TMEM52: variants seen among roughly 807,000 people sequenced by gnomAD.
TMEM52 encodes the protein transmembrane protein 52.
TMEM52 carries 14 observed loss-of-function variants against 16.2 expected under a neutral mutation model. That is an observed-to-expected ratio of 0.87 (90% CI 0.57 to 1.35). TMEM52 has a LOEUF of 1.35. Among genes scored for constraint, TMEM52 ranks in the 40% most tolerant of loss-of-function variants. The pLI is 0.00. For synonymous variants in TMEM52, 136 were observed against 124.7 expected, an observed-to-expected ratio of 1.09 and a Z score of -0.60; for missense variants, 309 against 278.6, an observed-to-expected ratio of 1.11 and a Z score of -0.78.
chr1:1,918,208 C>T (rs1466308442), intron 4 of TMEM52, 45 bp downstream of exon 4: 2 of 1,607,924 alleles, frequency 1.2e-6, no homozygotes, highest in Non-Finnish European at 1.7e-6. Flanking sequence ...TTGGCATTTA[C>T]CCCCGCCATC....
At chr1:1,919,007 G>A (rs1402559391) in intron 2 of TMEM52, 38 bp downstream of exon 2, 3 of 1,340,600 alleles carry the variant, frequency 2.2e-6, no homozygotes, top group African/African-American at 3.1e-5. Flanking sequence ...CTCCCCATAG[G>A]GCGGGGCCAG....
At chr1:1,918,636 G>A (rs912145028) in intron 3 of TMEM52, 1 of 705,590 alleles carries the variant, frequency 1.4e-6, no homozygotes, top group Non-Finnish European at 2.5e-6. Context: ...GGCCAGGGGT[G>A]GCCTTGGGCT....
chr1:1,919,256 C>G lies in TMEM52; in HGVS notation c.10G>C (p.Gly4Arg), dbSNP rs1348693768. MARGPLAARGLRLL... is the reference protein window; with the variant it reads MARRPLAARGLRLL... ...CGCAGTCCGCGGGCGGCCAGCGGCC[C>G]CCGGGCCATGCTCTGAGGAGGTTGG... Residue 4 changes from glycine to arginine, a missense_variant, in exon 1 of 5, where the codon GGG (glycine) becomes CGG (arginine). Gly to Arg is a moderately radical substitution (Grantham distance 125). Coordinates refer to ENST00000310991, the MANE Select transcript of TMEM52 (RefSeq NM_178545.4). The G allele has an allele frequency of 7.3e-7, 1 of 1,367,956 alleles. No homozygotes were observed. The highest frequency in any genetic ancestry group is 9.4e-7 in the Non-Finnish European group (1 of 1,069,134). 84.7% of individuals were successfully genotyped at this position (1,367,956 alleles called of 1,614,324 possible). A position where few individuals can be genotyped will look rare whatever the true frequency, so the allele number is the denominator to read the frequency against.
At chr1:1,918,725 G>T in intron 3 of TMEM52, 168 bp downstream of exon 3, 1 of 794,252 alleles carries the variant, frequency 1.3e-6, no homozygotes, top group Non-Finnish European at 2.0e-6. Context: ...AGGCCAGGCG[G>T]GAGAGGTGGG....
In TMEM52 at chr1:1,917,731, AAGC is replaced by A. The variant is rs1651187980; in HGVS notation, c.*148_*150del. 1 of 916,606 alleles carries A rather than the reference AAGC, an allele frequency of 1.1e-6. No homozygotes were observed. The highest frequency in any genetic ancestry group is 1.7e-5 in the African/African-American group (1 of 60,376). 56.8% of individuals were successfully genotyped at this position (916,606 alleles called of 1,614,324 possible). On this transcript the variant is annotated 3_prime_UTR_variant, in exon 5 of 5. Transcript: ENST00000310991. ...GGGCTGGGCCAGGGGCTGAGGCTGA[AAGC>A]AGCAGCCTGCCTAGTGGGTGACGCC... is the stretch of plus-strand genomic sequence containing the variant.
chr1:1,918,531 A>G, intron 3 of TMEM52, 100 bp from the exon 4 acceptor site: 1 of 1,063,584 alleles, frequency 9.4e-7, no homozygotes, highest in Non-Finnish European at 1.4e-6. Context: ...GGTTAACAGG[A>G]TAAAAAGCAG....
Position 1,918,111 on chromosome 1 carries a change from C to A in TMEM52, c.401G>T (p.Gly134Val), listed in dbSNP as rs779809066. ...PLGMRLPLPF[G>V]ELDLDSMAPP... Reference sequence around the variant, plus strand: ...AGCCATGGAGTCCAGGTCCAGCTCCCCAAAGGGCAGGGGCAACCGCATGCC... The same window carrying A: ...AGCCATGGAGTCCAGGTCCAGCTCCACAAAGGGCAGGGGCAACCGCATGCC... The change falls in exon 5 of 5, where the codon GGG becomes GTG. Residue 134 changes from glycine (G) to valine (V), a missense_variant. Physicochemically the swap from Gly to Val is moderately radical, Grantham distance 109 (BLOSUM62 -3). Transcript: ENST00000310991. 1.4e-5 allele frequency: 23 copies of A among 1,613,044 alleles called. No homozygotes were observed. The highest frequency in any genetic ancestry group is 1.9e-5 in the Non-Finnish European group (23 of 1,179,690).
rs374634122 is a variant in TMEM52, at chr1:1,917,995, G to A, written c.517C>T (p.Leu173Phe). The change falls in exon 5 of 5, where the codon CTC becomes TTC. Residue 173 changes from leucine (L) to phenylalanine (F), a missense_variant. Coordinates refer to ENST00000310991, the MANE Select transcript of TMEM52 (RefSeq NM_178545.4). ...MAKPREEGPA[L>F]SQKPSPLLGA... is the part of the protein sequence containing the mutation. ...AGGAGAGGGCTGGGTTTCTGGGAGAGTGCTGGTCCTTCCTCTCTGGGCTTG... is the reference window on the plus strand; with the variant it reads ...AGGAGAGGGCTGGGTTTCTGGGAGAATGCTGGTCCTTCCTCTCTGGGCTTG... 148 of 1,613,870 alleles carry A rather than the reference G, an allele frequency of 9.2e-5. No individual in the cohort carries two copies. Among genetic ancestry groups the A allele is most frequent in the Non-Finnish European group, 1.2e-4 (143 of 1,180,034 alleles).
intron 3 of TMEM52, 39 bp from the exon 4 acceptor site, chr1:1,918,470 C>T (rs758616460): frequency 1.9e-6 from 3 of 1,543,738 alleles, no homozygotes; most frequent in South Asian, 2.3e-5. Flanking sequence ...TGACCCTCGG[C>T]CACCGGGCAC....
Position 1,918,324 on chromosome 1 carries a change from G to T in TMEM52, c.278C>A (p.Pro93Gln). The change falls in exon 4 of 5, where the codon CCA becomes CAA. Residue 93 changes from proline to glutamine, a missense_variant. Coordinates refer to ENST00000310991, the MANE Select transcript of TMEM52 (RefSeq NM_178545.4). ...KQAQAQPHLP[P>Q]ARQPCDVAVI... ...TGCCACGTCGCAGGGCTGCCGTGCT[G>T]GTGGCAGATGTGGCTGGGCCTGTGC... The T allele has an allele frequency of 6.2e-7, 1 of 1,612,948 alleles. No individual in the cohort carries two copies. Among genetic ancestry groups the T allele is most frequent in the Non-Finnish European group, 8.5e-7 (1 of 1,180,000 alleles).
At position 1,918,041 on chromosome 1, in the gene TMEM52, G is replaced by A. The variant is rs374559693; in HGVS notation, c.471C>T (p.Tyr157=). 3.9e-5 allele frequency: 63 copies of A among 1,613,892 alleles called. 1 individual carries two copies. Among genetic ancestry groups the A allele is most frequent in the African/African-American group, 1.2e-4 (9 of 75,026 alleles). The change falls in exon 5 of 5, where the codon TAC becomes TAT. Residue 157 remains tyrosine, a synonymous_variant. Coordinates refer to ENST00000310991, the MANE Select transcript of TMEM52 (RefSeq NM_178545.4). The part of the protein sequence containing the change: ...SLYTPEPPPS[Y]DEAVKMAKPR... The stretch of plus-strand genomic sequence containing the variant: ...GCTTGGCCATCTTGACAGCTTCATC[G>A]TAGGAGGGTGGAGGCTCCGGGGTGT...
chr1:1,919,239 G>GCGGGCGGCCAGCGGCCCC lies in TMEM52; in HGVS notation c.9_26dup (p.Pro5_Gly10dup), dbSNP rs1553213127. ...GGAGCGGCAGCAGCAGCCGCAGTCC[G>GCGGGCGGCCAGCGGCCCC]CGGGCGGCCAGCGGCCCCCGGGCCA... On this transcript the variant is annotated inframe_insertion, in exon 1 of 5. Transcript: ENST00000310991. The GCGGGCGGCCAGCGGCCCC allele has an allele frequency of 2.2e-6, 3 of 1,365,422 alleles. No homozygotes were observed. Among genetic ancestry groups the GCGGGCGGCCAGCGGCCCC allele is most frequent in the South Asian group, 1.7e-5 (1 of 58,270 alleles). The allele number at this position is 1,365,422 out of a possible 1,614,324, so 84.6% of individuals were successfully genotyped here. A position where few individuals can be genotyped will look rare whatever the true frequency, so the allele number is the denominator to read the frequency against.
chr1:1,918,872 T>G, intron 3 of TMEM52, 21 bp downstream of exon 3: 1 of 1,467,248 alleles, frequency 6.8e-7, no homozygotes, highest in Non-Finnish European at 8.9e-7. Context: ...GACGCACGGC[T>G]CCGCCGCGGC....
intron 3 of TMEM52, 177 bp downstream of exon 3, chr1:1,918,716 G>C (rs1014294209): frequency 5.3e-6 from 4 of 760,792 alleles, no homozygotes; most frequent in Admixed American, 5.7e-5. Flanking sequence ...CTCCCGCGGA[G>C]GCCAGGCGGG....
chr1:1,918,590 G>T (rs1409715026), intron 3 of TMEM52, 159 bp from the exon 4 acceptor site: 1 of 794,072 alleles, frequency 1.3e-6, no homozygotes, highest in African/African-American at 1.7e-5. Flanking sequence ...CCTGGCCTCG[G>T]GCTGCTGGGC....
At position 1,918,147 on chromosome 1, in the gene TMEM52, T is replaced by C. The variant is rs747422392; in HGVS notation, c.365A>G (p.Gln122Arg). 1 of 1,612,996 alleles carries C rather than the reference T, an allele frequency of 6.2e-7. No homozygotes were observed. Among genetic ancestry groups the C allele is most frequent in the Admixed American group, 1.7e-5 (1 of 60,022 alleles). Residue 122 changes from glutamine (Q) to arginine (R), a missense_variant, in exon 5 of 5, where the codon CAG becomes CGG. Gln to Arg is a conservative substitution (Grantham distance 43, BLOSUM62 1). Transcript: ENST00000310991. ...HSTVTSYSSV[Q>R]YPLGMRLPLP... ...GGGCAACCGCATGCCCAGTGGGTAC[T>C]GCACGGAGCTGTAGGCTGCAGGGAA... is the stretch of plus-strand genomic sequence containing the variant.
chr1:1,917,804 T>G lies in TMEM52; in HGVS notation c.*78A>C. The G allele has an allele frequency of 6.7e-7, 1 of 1,488,898 alleles. No homozygotes were observed. Among genetic ancestry groups the G allele is most frequent in the Non-Finnish European group, 9.2e-7 (1 of 1,088,674 alleles). The allele number at this position is 1,488,898 out of a possible 1,614,324, so 92.2% of individuals were successfully genotyped here. On this transcript the variant is annotated 3_prime_UTR_variant, in exon 5 of 5. Transcript: ENST00000310991. Reference sequence around the variant, plus strand: ...CACCGAGGTTGGGGCCACAGCAATGTGTGGGACGGTGGGGTGGGCTGGGGC... The same window carrying G: ...CACCGAGGTTGGGGCCACAGCAATGGGTGGGACGGTGGGGTGGGCTGGGGC...
chr1:1,918,338 C>T lies in TMEM52; in HGVS notation c.264G>A (p.Gln88=), dbSNP rs1651221934. 2 of 1,612,818 alleles carry T rather than the reference C, an allele frequency of 1.2e-6. No homozygotes were observed. Among genetic ancestry groups the T allele is most frequent in the African/African-American group, 1.3e-5 (1 of 74,912 alleles). Residue 88 remains glutamine, a synonymous_variant, in exon 4 of 5, where the codon CAG becomes CAA. Coordinates refer to ENST00000310991, the MANE Select transcript of TMEM52 (RefSeq NM_178545.4). The stretch of plus-strand genomic sequence containing the variant: ...GCTGCCGTGCTGGTGGCAGATGTGG[C>T]TGGGCCTGTGCCTGCTTCCGGAGGC... ...FCCLRKQAQA[Q]PHLPPARQPC... is the part of the protein sequence containing the mutation.
At chr1:1,919,157 C>A in intron 1 of TMEM52, 25 bp downstream of exon 1, 8 of 1,366,254 alleles carry the variant, frequency 5.9e-6, no homozygotes, top group Non-Finnish European at 7.5e-6. Flanking sequence ...GTGGCCGAAC[C>A]GAGAGAGAAC....
Sources: allele counts gnomAD v4.1 joint callset, GRCh38; gene constraint gnomAD v4.1.1; transcripts MANE v1.5; gene names NCBI Gene and HGNC (gene_info 2026-07-23, HGNC 2026-07-21).